LRRC37A2: variants seen among roughly 807,000 people sequenced by gnomAD.
LRRC37A2 encodes leucine rich repeat containing 37 member A2.
LRRC37A2 carries 9 observed loss-of-function variants against 68.8 expected under a neutral mutation model. That is an observed-to-expected ratio of 0.13 (90% CI 0.08 to 0.23). The LOEUF (loss-of-function observed/expected upper bound fraction) is 0.23. Among genes scored for constraint, LRRC37A2 ranks in the 10% least tolerant of loss-of-function variants. The probability of loss-of-function intolerance (pLI) is 1.00; values close to 1 mark genes in which losing one functional copy is unlikely to be tolerated. For missense variants in LRRC37A2, 168 were observed against 950.4 expected, an observed-to-expected ratio of 0.18 and a Z score of 10.82; for synonymous variants, 63 against 367.6, an observed-to-expected ratio of 0.17 and a Z score of 9.48.
At chr17:46,965,075 A>G in the LRRC37A2 span, 6 of 152,176 alleles carry the variant, frequency 3.9e-5, no homozygotes, top group Admixed American at 3.9e-4. Context: ...CATGTATCCC[A>G]GAAACATTAA....
the LRRC37A2 span, among the ~76,000 whole-genome samples, chr17:46,959,700 T>C: frequency 6.6e-6 from 1 of 152,154 alleles, no homozygotes; most frequent in Non-Finnish European, 1.5e-5. Context: ...GTAGGACATT[T>C]CTTGAGCATT....
the LRRC37A2 span, among the ~76,000 whole-genome samples, chr17:46,861,298 G>A: frequency 3.7e-4 from 57 of 152,254 alleles, no homozygotes; most frequent in Non-Finnish European, 7.5e-4. Context: ...CTTTAGTAGA[G>A]ACCTCGGGGC....
At chr17:46,715,215 G>T in the LRRC37A2 span, among the ~76,000 whole-genome samples, 2 of 152,212 alleles carry the variant, frequency 1.3e-5, no homozygotes, top group African/African-American at 4.8e-5. Context: ...GATGCAAAAA[G>T]AACTTATAAT....
At chr17:46,816,339 C>T in the LRRC37A2 span, among the ~76,000 whole-genome samples, 329 of 151,944 alleles carry the variant, frequency 2.2e-3, no homozygotes, top group African/African-American at 7.6e-3. Flanking sequence ...CACAACCTGT[C>T]GTGGGCATGG....
chr17:46,984,921 G>A, the LRRC37A2 span, among the ~76,000 whole-genome samples: 11 of 152,194 alleles, frequency 7.2e-5, 1 homozygote, highest in South Asian at 1.9e-3. Context: ...ACTTCAGGGA[G>A]GCCCAAGAGC....
the LRRC37A2 span, among the ~76,000 whole-genome samples, chr17:46,575,502 C>T: frequency 1.1e-4 from 16 of 140,174 alleles, no homozygotes; most frequent in Non-Finnish European, 2.0e-4. Context: ...CCAGCAGATT[C>T]CCAGCTCCCA....
chr17:46,870,745 A>G, the LRRC37A2 span, among the ~76,000 whole-genome samples: 2 of 152,132 alleles, frequency 1.3e-5, no homozygotes, highest in African/African-American at 4.8e-5. Context: ...AGGTGACTCC[A>G]AAGAGGAGAG....
At chr17:46,835,210 T>C in the LRRC37A2 span, among the ~76,000 whole-genome samples, 1 of 151,876 alleles carries the variant, frequency 6.6e-6, no homozygotes, top group Non-Finnish European at 1.5e-5. Flanking sequence ...TGTTGTCCCT[T>C]ATTCTTTTTT....
At chr17:46,796,730 G>A in the LRRC37A2 span, among the ~76,000 whole-genome samples, 2 of 152,192 alleles carry the variant, frequency 1.3e-5, no homozygotes, top group African/African-American at 4.8e-5. Context: ...GATGAGCGGT[G>A]CCTGATCAGT....
chr17:46,474,785 T>C, the LRRC37A2 span, among the ~76,000 whole-genome samples: 1 of 78,916 alleles, frequency 1.3e-5, no homozygotes, highest in East Asian at 2.4e-4. Flanking sequence ...CTACTGCTTC[T>C]GGGACAGTCT....
chr17:46,931,110 G>A, the LRRC37A2 span: 20 of 1,588,718 alleles, frequency 1.3e-5, no homozygotes, highest in African/African-American at 1.1e-4. Flanking sequence ...AGTAGAAAAC[G>A]AAATCCAAGC....
At chr17:46,751,716 G>GTTTTGA in the LRRC37A2 span, 4 of 647,562 alleles carry the variant, frequency 6.2e-6, no homozygotes, top group African/African-American at 7.4e-5. Flanking sequence ...ATTAATTTAA[G>GTTTTGA]TTTTGATTTT....
the LRRC37A2 span, among the ~76,000 whole-genome samples, chr17:46,933,941 C>CA: frequency 2.8e-5 from 4 of 144,358 alleles, no homozygotes; most frequent in African/African-American, 1.0e-4. Context: ...GAGCCTGTCT[C>CA]AAAAAAAAAA....
At chr17:47,001,636 G>A in the LRRC37A2 span, among the ~76,000 whole-genome samples, 1 of 151,260 alleles carries the variant, frequency 6.6e-6, no homozygotes, top group Non-Finnish European at 1.5e-5. Context: ...TTGCCCCTTG[G>A]TGATCCTGCT....
the LRRC37A2 span, among the ~76,000 whole-genome samples, chr17:46,732,229 G>T: frequency 6.6e-6 from 1 of 152,128 alleles, no homozygotes; most frequent in Non-Finnish European, 1.5e-5. Context: ...TGCATTTGTT[G>T]TATTTCCAGC....
At chr17:46,848,043 G>A in the LRRC37A2 span, among the ~76,000 whole-genome samples, 485 of 152,110 alleles carry the variant, frequency 3.2e-3, 18 homozygotes, top group Admixed American at 0.029. Context: ...AGCCCTGAGC[G>A]CTGGCTGCCT....
At chr17:46,856,520 T>G in the LRRC37A2 span, among the ~76,000 whole-genome samples, 1 of 151,746 alleles carries the variant, frequency 6.6e-6, no homozygotes, top group Non-Finnish European at 1.5e-5. Flanking sequence ...AGTCTCACTA[T>G]GTCGCCCAGG....
the LRRC37A2 span, among the ~76,000 whole-genome samples, chr17:46,667,639 A>AT: frequency 7.4e-6 from 1 of 134,322 alleles, no homozygotes; most frequent in African/African-American, 2.7e-5. Flanking sequence ...TTCTTTAGAG[A>AT]TTTTTCACCT....
chr17:46,905,780 T>TTGTGTGTGTGTGTGTGTG, the LRRC37A2 span, among the ~76,000 whole-genome samples: 28 of 117,042 alleles, frequency 2.4e-4, no homozygotes, highest in African/African-American at 8.9e-4. Flanking sequence ...CTCTGTGTGT[T>TTGTGTGTGTGTGTGTGTG]TGTGTGTGTG....
Sources: allele counts gnomAD v4.1 joint callset (sites outside exome capture counted in the v4.1 genomes callset), GRCh38; gene constraint gnomAD v4.1.1; transcripts MANE v1.5; gene names NCBI Gene and HGNC (gene_info 2026-07-23, HGNC 2026-07-21).